IGSF5: variants seen among roughly 807,000 people sequenced by gnomAD.
The protein encoded by IGSF5 is immunoglobulin superfamily 5 like.
In IGSF5, 41 loss-of-function variants were observed where a neutral mutation model predicts 39.4. The ratio of observed to expected loss-of-function variants is 1.04; its 90% confidence interval spans 0.81 to 1.35. The LOEUF is 1.35. Among genes scored for constraint, IGSF5 ranks in the 40% most tolerant of loss-of-function variants. The pLI, the probability that IGSF5 is intolerant of heterozygous loss-of-function variation, is 0.00. For synonymous variants in IGSF5, 183 were observed against 175.3 expected, an observed-to-expected ratio of 1.04 and a Z score of -0.34; for missense variants, 487 against 494.6, an observed-to-expected ratio of 0.98 and a Z score of 0.15.
At chr21:39,756,783 A>C (rs1308934349) in intron 2 of IGSF5, among the ~76,000 whole-genome samples, 2 of 152,158 alleles carry the variant, frequency 1.3e-5, no homozygotes, top group African/African-American at 2.4e-5. Context: ...TGTCTTGGAT[A>C]AGCCTCTCCT....
chr21:39,713,913 T>C, the IGSF5 span, among the ~76,000 whole-genome samples: 1 of 152,256 alleles, frequency 6.6e-6, no homozygotes. Flanking sequence ...CTTGTTGCAT[T>C]TTGTTCATTC....
chr21:39,796,816 C>T (rs964105630), intron 8 of IGSF5, among the ~76,000 whole-genome samples: 14 of 152,332 alleles, frequency 9.2e-5, no homozygotes, highest in African/African-American at 2.6e-4. Context: ...AACACTTTTC[C>T]GATCGTGGTT....
intron 6 of IGSF5, among the ~76,000 whole-genome samples, chr21:39,789,011 T>C (rs2837220): frequency 0.4 from 61,315 of 151,918 alleles, 12,873 homozygotes; most frequent in East Asian, 0.63. Flanking sequence ...CTGGCAATTG[T>C]GAAGTTTGGA....
At position 39,765,580 on chromosome 21, in the gene IGSF5, G is replaced by T. The variant is rs2205204; in HGVS notation, c.146G>T (p.Arg49Ile). Residue 49 changes from arginine to isoleucine, a missense_variant, in exon 3 of 9, where the codon AGA becomes ATA. By Grantham distance (97) the Arg-to-Ile change is moderately conservative (BLOSUM62 -3). Transcript: ENST00000380588. ...GTCATAGAAGGCCCCCAAAATGCAAGAGTCCTGAAGGGCTCCCAGGCTCGC... is the reference window on the plus strand; with the variant it reads ...GTCATAGAAGGCCCCCAAAATGCAATAGTCCTGAAGGGCTCCCAGGCTCGC... Reference protein sequence around the residue: ...NEVIEGPQNARVLKGSQARFN... With the variant: ...NEVIEGPQNAIVLKGSQARFN... 1.2e-6 allele frequency: 2 copies of T among 1,613,628 alleles called. No homozygotes were observed. The highest frequency in any genetic ancestry group is 2.7e-5 in the African/African-American group (2 of 74,884).
chr21:39,795,647 G>A (rs553750031), intron 8 of IGSF5, among the ~76,000 whole-genome samples: 9 of 151,850 alleles, frequency 5.9e-5, no homozygotes, highest in Admixed American at 2.6e-4. Flanking sequence ...TGTTTGTAGT[G>A]TTCTTTTTGA....
At position 39,774,999 on chromosome 21, in the gene IGSF5, G is replaced by A. The variant is rs181117479; in HGVS notation, c.718+3784G>A. ...GCTGTGGATCAGAGACAGCAGAGGAGCCTTCTTTATAAATATGCTGAGGCT... is the reference window on the plus strand; with the variant it reads ...GCTGTGGATCAGAGACAGCAGAGGAACCTTCTTTATAAATATGCTGAGGCT... On this transcript the variant is annotated intron_variant, in intron 4 of 8. Coordinates refer to ENST00000380588, the MANE Select transcript of IGSF5 (RefSeq NM_001080444.2). Among the ~76,000 whole-genome samples, 272 of 152,314 alleles carry A rather than the reference G, an allele frequency of 1.8e-3. 1 individual carries two copies. The highest frequency in any genetic ancestry group is 6.0e-3 in the African/African-American group (251 of 41,580).
intron 3 of IGSF5, 41 bp from the exon 4 acceptor site, chr21:39,770,875 A>T: frequency 7.7e-7 from 1 of 1,292,404 alleles, no homozygotes; most frequent in Non-Finnish European, 1.0e-6. Flanking sequence ...AGCGAGAGGC[A>T]TGGTCATGTC....
At chr21:39,713,638 A>G in the IGSF5 span, among the ~76,000 whole-genome samples, 2 of 152,314 alleles carry the variant, frequency 1.3e-5, no homozygotes, top group East Asian at 1.9e-4. Flanking sequence ...CAAAACTGGC[A>G]TCTTTCATGT....
chr21:39,728,892 A>G, the IGSF5 span, among the ~76,000 whole-genome samples: 2 of 152,058 alleles, frequency 1.3e-5, no homozygotes, highest in South Asian at 4.2e-4. Context: ...CTATTATCCT[A>G]TTTTATAGAA....
intron 6 of IGSF5, 56 bp from the exon 7 acceptor site, chr21:39,791,952 C>A: frequency 8.5e-7 from 1 of 1,176,920 alleles, no homozygotes; most frequent in Non-Finnish European, 1.2e-6. Flanking sequence ...TGCCAATTAA[C>A]ATTTGGCAAT....
intron 4 of IGSF5, among the ~76,000 whole-genome samples, chr21:39,775,571 C>T (rs1350713947): frequency 6.6e-6 from 1 of 152,160 alleles, no homozygotes; most frequent in Admixed American, 6.5e-5. Context: ...TCCTTTTCTT[C>T]ACAGATGGGA....
intron 2 of IGSF5, among the ~76,000 whole-genome samples, chr21:39,761,741 T>C (rs73217264): frequency 0.015 from 2,345 of 152,314 alleles, 23 homozygotes; most frequent in Admixed American, 0.024. Context: ...TAGTCATAGC[T>C]TGCGGCAGAC....
At chr21:39,747,095 T>G (rs1017158705) in intron 2 of IGSF5, among the ~76,000 whole-genome samples, 1 of 152,158 alleles carries the variant, frequency 6.6e-6, no homozygotes, top group African/African-American at 2.4e-5. Flanking sequence ...ATTAGTCTGT[T>G]TTCACGCTGC....
At position 39,764,086 on chromosome 21, in the gene IGSF5, G is replaced by A. The variant is rs146737510; in HGVS notation, c.101-1449G>A. Reference sequence around the variant, plus strand: ...CCTTAGTGAACTCTCACCTTCTTCAGTTCTGCCTCTCCCGGGACCTAAAGC... The same window carrying A: ...CCTTAGTGAACTCTCACCTTCTTCAATTCTGCCTCTCCCGGGACCTAAAGC... On this transcript the variant is annotated intron_variant, in intron 2 of 8. Coordinates refer to ENST00000380588, the MANE Select transcript of IGSF5 (RefSeq NM_001080444.2). Among the ~76,000 whole-genome samples, 63 of 152,156 alleles carry A rather than the reference G, an allele frequency of 4.1e-4. 1 individual carries two copies. In the East Asian group the frequency reaches 0.011, roughly 27 times the overall value.
chr21:39,715,920 C>G, the IGSF5 span, among the ~76,000 whole-genome samples: 111 of 152,196 alleles, frequency 7.3e-4, no homozygotes, highest in African/African-American at 2.6e-3. Flanking sequence ...GGGAACCAAC[C>G]CGGGGATGTT....
chr21:39,791,782 A>C (rs555944282), intron 6 of IGSF5: 7 of 464,400 alleles, frequency 1.5e-5, no homozygotes, highest in Admixed American at 7.1e-5. Context: ...AGTAGAGTCC[A>C]TGGACCAGGA....
At chr21:39,799,698 A>C (rs1164699545) in intron 8 of IGSF5, among the ~76,000 whole-genome samples, 1 of 152,114 alleles carries the variant, frequency 6.6e-6, no homozygotes, top group Non-Finnish European at 1.5e-5. Context: ...TGCCATGATG[A>C]ATGCCAAGTG....
chr21:39,799,086 C>A (rs558709722), intron 8 of IGSF5, among the ~76,000 whole-genome samples: 2 of 152,156 alleles, frequency 1.3e-5, no homozygotes, highest in Admixed American at 1.3e-4. Flanking sequence ...AGTTCCTAGA[C>A]CTCTTGGTCC....
At chr21:39,718,185 G>A in the IGSF5 span, among the ~76,000 whole-genome samples, 2 of 151,970 alleles carry the variant, frequency 1.3e-5, no homozygotes, top group Admixed American at 6.6e-5. Context: ...AGTGATTTTT[G>A]TACATTGATT....
Sources: gnomAD v4.1 joint callset for allele counts (sites outside exome capture counted in the v4.1 genomes callset) on GRCh38, gnomAD v4.1.1 for gene constraint, MANE v1.5 for transcripts, NCBI Gene and HGNC (gene_info 2026-07-23, HGNC 2026-07-21) for gene names.